RASEF: variants seen among roughly 807,000 people sequenced by gnomAD.
RASEF encodes the protein RAS and EF-hand domain containing, also known as ras and EF-hand domain-containing protein.
RASEF carries 68 observed loss-of-function variants against 90.1 expected under a neutral mutation model. The observed-to-expected ratio is 0.75, with a 90% confidence interval of 0.62 to 0.92. The LOEUF (loss-of-function observed/expected upper bound fraction) is 0.92. Ranked by LOEUF, RASEF falls within the 40% of genes least tolerant of loss-of-function variation. RASEF has a pLI of 0.00. For synonymous variants in RASEF, 331 were observed against 345.2 expected (o/e 0.96, Z 0.46); for missense variants, 949 against 937.2 (o/e 1.01, Z -0.16).
the RASEF span, among the ~76,000 whole-genome samples, chr9:83,112,090 CAT>C: frequency 8.6e-5 from 13 of 151,820 alleles, no homozygotes; most frequent in African/African-American, 1.2e-4. Context: ...GCAAAGCAAA[CAT>C]AATATATAAT....
At chr9:83,087,124 G>C in the RASEF span, among the ~76,000 whole-genome samples, 2 of 152,198 alleles carry the variant, frequency 1.3e-5, no homozygotes, top group African/African-American at 4.8e-5. Context: ...AGATGTGTCT[G>C]ACTATTAAAG....
chr9:83,174,755 T>C, the RASEF span, among the ~76,000 whole-genome samples: 1 of 152,150 alleles, frequency 6.6e-6, no homozygotes, highest in Admixed American at 6.5e-5. Context: ...TTTATGAACA[T>C]GAGATGTCTT....
At chr9:83,017,937 A>C (rs188542763) in intron 3 of RASEF, among the ~76,000 whole-genome samples, 7 of 152,342 alleles carry the variant, frequency 4.6e-5, no homozygotes, top group Admixed American at 3.9e-4. Context: ...TCTAAAAAAG[A>C]AAAAAACATG....
At chr9:83,119,883 T>C in the RASEF span, among the ~76,000 whole-genome samples, 2 of 152,230 alleles carry the variant, frequency 1.3e-5, no homozygotes, top group South Asian at 2.1e-4. Flanking sequence ...CTTCACCTTT[T>C]AAAAATGTGA....
At position 83,062,633 on chromosome 9, in the gene RASEF, G is replaced by GC. The variant is rs766769484; in HGVS notation, c.234dup (p.Arg79AlafsTer16). ...TCCAGAGGACCCCAGTCCCGGCGCC[G>GC]CCCCCCGCGGAGGGACCCGAGGAAG... On this transcript the variant is annotated frameshift_variant, in exon 1 of 17. Transcript: ENST00000376447. LOFTEE classifies it high-confidence loss of function. The GC allele has an allele frequency of 6.4e-7, 1 of 1,553,322 alleles. No individual in the cohort carries two copies. The highest frequency in any genetic ancestry group is 2.4e-5 in the East Asian group (1 of 41,852).
the RASEF span, among the ~76,000 whole-genome samples, chr9:83,078,673 A>G: frequency 6.6e-6 from 1 of 151,756 alleles, no homozygotes; most frequent in African/African-American, 2.4e-5. Flanking sequence ...AAAGAAAAAA[A>G]AAAAGAGAGA....
chr9:83,082,171 C>T, the RASEF span, among the ~76,000 whole-genome samples: 1 of 152,318 alleles, frequency 6.6e-6, no homozygotes, highest in Non-Finnish European at 1.5e-5. Context: ...AAACGATCCT[C>T]GTTCTGCTGG....
the RASEF span, among the ~76,000 whole-genome samples, chr9:83,137,774 A>G: frequency 1.5e-5 from 2 of 134,834 alleles, no homozygotes; most frequent in Non-Finnish European, 3.1e-5. Flanking sequence ...GCCACAAGGG[A>G]TTTTTATACA....
the RASEF span, among the ~76,000 whole-genome samples, chr9:83,174,463 G>A: frequency 3.4e-4 from 52 of 152,068 alleles, no homozygotes; most frequent in Non-Finnish European, 6.0e-4. Context: ...TAAATATAAT[G>A]GCTTATTTCT....
At chr9:83,085,866 A>G in the RASEF span, among the ~76,000 whole-genome samples, 6 of 152,248 alleles carry the variant, frequency 3.9e-5, no homozygotes, top group South Asian at 2.1e-4. Flanking sequence ...TGGAGGTTGC[A>G]GTGAGCTGAG....
chr9:83,160,388 G>A, the RASEF span, among the ~76,000 whole-genome samples: 151 of 152,302 alleles, frequency 9.9e-4, no homozygotes, highest in African/African-American at 3.4e-3. Flanking sequence ...CTCTAGTTAT[G>A]TTTTAGCAGA....
chr9:83,022,527 T>C (rs1344227663), intron 2 of RASEF, 101 bp from the exon 3 acceptor site: 1 of 813,952 alleles, frequency 1.2e-6, no homozygotes, highest in Non-Finnish European at 2.1e-6. Flanking sequence ...ATATTACAGA[T>C]GAAGAGAAAC....
In RASEF at chr9:83,048,196, C is replaced by G. The variant is rs149561972; in HGVS notation, c.431+14241G>C. On this transcript the variant is annotated intron_variant, in intron 1 of 16. Coordinates refer to ENST00000376447, the MANE Select transcript of RASEF (RefSeq NM_152573.4). ...CACAGTGTAGTAAGAGCGGAAGGAG[C>G]TTGGAGGTCATCTGACAGGGACCGG... The G allele has an allele frequency of 1.7e-4, 171 of 985,354 alleles. 1 individual carries two copies. The African/African-American group carries it at 2.7e-3, about 15-fold the overall frequency. 61.0% of individuals were successfully genotyped at this position (985,354 alleles called of 1,614,324 possible).
chr9:83,063,088 G>C lies in RASEF; in HGVS notation c.-221C>G. ...CGGGCCAGCCCCCAACAGGTCCCGG[G>C]AGCGGTGGGGTGCGCCCGGGCTCCA... On this transcript the variant is annotated 5_prime_UTR_variant, in exon 1 of 17. Transcript: ENST00000376447. 2.0e-6 allele frequency: 1 copy of C among 494,124 alleles called. No individual in the cohort carries two copies. Among genetic ancestry groups the C allele is most frequent in the South Asian group, 4.0e-5 (1 of 24,764 alleles). 30.6% of individuals were successfully genotyped at this position (494,124 alleles called of 1,614,324 possible).
At chr9:83,207,254 C>G in the RASEF span, among the ~76,000 whole-genome samples, 26 of 152,082 alleles carry the variant, frequency 1.7e-4, no homozygotes, top group Admixed American at 3.3e-4. Flanking sequence ...GGGAAGGATG[C>G]CTTCACACCG....
the RASEF span, among the ~76,000 whole-genome samples, chr9:83,155,807 C>T: frequency 1.3e-5 from 2 of 152,174 alleles, no homozygotes; most frequent in South Asian, 2.1e-4. Flanking sequence ...TTTATCTGTT[C>T]ACTGCAACAG....
At chr9:83,017,183 G>A (rs900138870) in intron 3 of RASEF, among the ~76,000 whole-genome samples, 1 of 151,954 alleles carries the variant, frequency 6.6e-6, no homozygotes, top group African/African-American at 2.4e-5. Context: ...AACATTTTAG[G>A]GTTTAGAAAT....
At chr9:83,107,560 C>T in the RASEF span, among the ~76,000 whole-genome samples, 2 of 152,030 alleles carry the variant, frequency 1.3e-5, no homozygotes, top group African/African-American at 4.8e-5. Context: ...GGTTTTTGAC[C>T]TATCGCTCTC....
At chr9:83,163,865 G>A in the RASEF span, among the ~76,000 whole-genome samples, 133,531 of 151,896 alleles carry the variant, frequency 0.88, 59,007 homozygotes, top group African/African-American at 0.97. Context: ...AGATTCAGGA[G>A]GCTCAGAGAA....
Sources: allele counts gnomAD v4.1 joint callset (sites outside exome capture counted in the v4.1 genomes callset), GRCh38; gene constraint gnomAD v4.1.1; transcripts MANE v1.5; gene names NCBI Gene and HGNC (gene_info 2026-07-23, HGNC 2026-07-21).